The following SYN2 variants were observed in gnomAD, a reference collection of about 807,000 sequenced individuals.
SYN2 encodes the protein synapsin II, also known as synapsin-2.
SYN2 carries 19 observed loss-of-function variants against 50.9 expected under a neutral mutation model. The ratio of observed to expected loss-of-function variants is 0.37; its 90% CI spans 0.26 to 0.55. SYN2 has a LOEUF of 0.55. SYN2 is among the 20% of genes least tolerant of loss of function. SYN2 has a pLI of 0.81. For missense variants in SYN2, 587 were observed against 576.4 expected, an observed-to-expected ratio of 1.02 and a Z score of -0.19; for synonymous variants, 255 against 224.9, an observed-to-expected ratio of 1.13 and a Z score of -1.20.
intron 5 of SYN2, chr3:12,158,979 C>T: frequency 2.3e-6 from 3 of 1,303,486 alleles, no homozygotes; most frequent in Non-Finnish European, 3.0e-6. Context: ...CCGACGGGCT[C>T]CGCCTTCCTT....
intron 1 of SYN2, among the ~76,000 whole-genome samples, chr3:12,130,483 C>G (rs1027956665): frequency 2.6e-5 from 4 of 152,138 alleles, no homozygotes; most frequent in African/African-American, 9.7e-5. Flanking sequence ...CTCCTGTACT[C>G]CACATTTTTG....
intron 1 of SYN2, among the ~76,000 whole-genome samples, chr3:12,135,925 A>G (rs556660834): frequency 6.6e-6 from 1 of 152,378 alleles, no homozygotes; most frequent in Non-Finnish European, 1.5e-5. Context: ...TAATCAAACA[A>G]TAAGACATAA....
Position 12,070,759 on chromosome 3 carries a change from G to A in SYN2, c.377+65831G>A, listed in dbSNP as rs540458159. ...CGAGGCCTAAGCCCTCCCCCATGCC[G>A]TCCTGCATCTGGACCTGGCTGGTGG... On this transcript the variant is annotated intron_variant, in intron 1 of 12. Transcript: ENST00000621198. 2,834 of 716,566 alleles carry A rather than the reference G, an allele frequency of 4.0e-3. 34 individuals carry two copies. Among genetic ancestry groups the A allele is most frequent in the South Asian group, 7.7e-3 (549 of 71,498 alleles). The allele number at this position is 716,566 out of a possible 1,614,324, so 44.4% of individuals were successfully genotyped here.
At chr3:12,183,552 A>C (rs1162087539) in intron 11 of SYN2, 180 bp downstream of exon 11, 8 of 1,525,668 alleles carry the variant, frequency 5.2e-6, no homozygotes, top group Admixed American at 4.6e-5. Context: ...GCGTTCTTTC[A>C]ATGCTGACTG....
At chr3:12,143,246 CAAG>C (rs1348520573) in intron 3 of SYN2, among the ~76,000 whole-genome samples, 2 of 152,036 alleles carry the variant, frequency 1.3e-5, no homozygotes, top group African/African-American at 4.8e-5. Flanking sequence ...AACTGGGACA[CAAG>C]AAGGTCAGAG....
chr3:12,035,506 A>C (rs1038828258), intron 1 of SYN2, among the ~76,000 whole-genome samples: 3 of 152,224 alleles, frequency 2.0e-5, no homozygotes, highest in African/African-American at 4.8e-5. Flanking sequence ...ATTGACAGCT[A>C]ATGTGTAATA....
chr3:12,167,433 A>C, intron 8 of SYN2, 125 bp downstream of exon 8: 2 of 930,092 alleles, frequency 2.2e-6, no homozygotes, highest in Non-Finnish European at 3.3e-6. Flanking sequence ...TAAAACACAA[A>C]AGGCCCAAGT....
In SYN2 at chr3:12,162,082, C is replaced by T. The variant is rs200532588; in HGVS notation, c.908C>T (p.Thr303Ile). ...SVVALTQTYATAEPFIDSKYD... is the reference protein window; with the variant it reads ...SVVALTQTYAIAEPFIDSKYD... ...GTGGCTCTCACCCAGACCTATGCCA[C>T]TGCAGAGCCTTTCATTGACTCCAAG... The change falls in exon 7 of 13, where the codon ACT becomes ATT. Residue 303 changes from threonine (T) to isoleucine (I), a missense_variant. Transcript: ENST00000621198. 9.1e-5 allele frequency: 147 copies of T among 1,614,020 alleles called. No homozygotes were observed. The highest frequency in any genetic ancestry group is 1.1e-4 in the Non-Finnish European group (132 of 1,179,978).
chr3:12,096,827 A>T (rs1481456009), intron 1 of SYN2, among the ~76,000 whole-genome samples: 1 of 152,158 alleles, frequency 6.6e-6, no homozygotes, highest in Non-Finnish European at 1.5e-5. Context: ...ATGAACTTGA[A>T]AATAGATCAG....
intron 1 of SYN2, among the ~76,000 whole-genome samples, chr3:12,091,640 G>A (rs140410207): frequency 0.011 from 1,679 of 152,194 alleles, 20 homozygotes; most frequent in Middle Eastern, 0.031. Context: ...TTAATTTGGG[G>A]TATTTTTAAA....
intron 1 of SYN2, among the ~76,000 whole-genome samples, chr3:12,068,725 C>T (rs775885878): frequency 4.6e-5 from 7 of 151,494 alleles, no homozygotes; most frequent in East Asian, 1.9e-4. Context: ...CTTGACTTTT[C>T]TTCCAGCCTT....
intron 10 of SYN2, among the ~76,000 whole-genome samples, chr3:12,181,298 G>T (rs1341971251): frequency 6.6e-6 from 1 of 152,254 alleles, no homozygotes; most frequent in East Asian, 1.9e-4. Flanking sequence ...CTGGGCATGA[G>T]GCCCTGGGGG....
chr3:12,122,116 G>A (rs1417785075), intron 1 of SYN2, among the ~76,000 whole-genome samples: 2 of 152,124 alleles, frequency 1.3e-5, no homozygotes, highest in African/African-American at 4.8e-5. Context: ...ATGAATGACC[G>A]AACAACTGGG....
At chr3:12,064,428 A>G (rs1695169076) in intron 1 of SYN2, among the ~76,000 whole-genome samples, 1 of 152,088 alleles carries the variant, frequency 6.6e-6, no homozygotes, top group South Asian at 2.1e-4. Context: ...CTTGTGCTTC[A>G]AATGATACTA....
chr3:12,156,949 C>CA (rs1369474554), intron 5 of SYN2: 40 of 1,580,712 alleles, frequency 2.5e-5, no homozygotes, highest in Non-Finnish European at 3.2e-5. Context: ...CAGGCAATTA[C>CA]AAAAAAAGGC....
intron 1 of SYN2, among the ~76,000 whole-genome samples, chr3:12,089,676 C>T (rs1265338823): frequency 4.6e-5 from 7 of 152,028 alleles, no homozygotes. Context: ...AAGAATCTAG[C>T]AGGAATAGTT....
At chr3:12,014,629 A>G (rs1693981229) in intron 1 of SYN2, among the ~76,000 whole-genome samples, 1 of 151,998 alleles carries the variant, frequency 6.6e-6, no homozygotes, top group South Asian at 2.1e-4. Context: ...TCAAGGAACC[A>G]TTTTTCTGAA....
intron 1 of SYN2, chr3:12,070,178 A>G (rs1296863933): frequency 5.7e-6 from 2 of 349,888 alleles, no homozygotes; most frequent in Non-Finnish European, 1.1e-5. Flanking sequence ...CAGCCCGTGC[A>G]CCATGTCCTC....
At chr3:12,056,181 T>A (rs1574913694) in intron 1 of SYN2, among the ~76,000 whole-genome samples, 1 of 151,988 alleles carries the variant, frequency 6.6e-6, no homozygotes, top group Admixed American at 6.6e-5. Context: ...TTTTTTTTTT[T>A]TAAATAGGCA....
Sources: gnomAD v4.1 joint callset for allele counts (sites outside exome capture counted in the v4.1 genomes callset) on GRCh38, gnomAD v4.1.1 for gene constraint, MANE v1.5 for transcripts, NCBI Gene and HGNC (gene_info 2026-07-23, HGNC 2026-07-21) for gene names.